The following IL1RAPL2 variants were observed in gnomAD, a reference collection of about 807,000 sequenced individuals.
IL1RAPL2 encodes interleukin 1 receptor accessory protein like 2.
A neutral mutation model predicts 44.1 loss-of-function variants in IL1RAPL2; 3 were observed. The observed-to-expected ratio is 0.07, with a 90% CI of 0.03 to 0.18. The LOEUF is 0.18. IL1RAPL2 is among the 10% of genes least tolerant of loss of function. The probability of loss-of-function intolerance (pLI) is 1.00; values close to 1 mark genes in which losing one functional copy is unlikely to be tolerated. For missense variants in IL1RAPL2, 391 were observed against 496.4 expected (o/e 0.79, Z 2.02); for synonymous variants, 181 against 178.8 (o/e 1.01, Z -0.10).
chrX:105,036,699 A>C (rs1365454131), intron 2 of IL1RAPL2, among the ~76,000 whole-genome samples: 2 of 112,107 alleles, frequency 1.8e-5, no homozygotes, highest in Non-Finnish European at 3.8e-5. Context: ...TCAATAACCC[A>C]CATGTTCAAG....
intron 2 of IL1RAPL2, among the ~76,000 whole-genome samples, chrX:105,030,704 G>T (rs1324645793): frequency 9.9e-5 from 11 of 111,620 alleles, no homozygotes; most frequent in Non-Finnish European, 2.1e-4. Flanking sequence ...TGTTCTTTTG[G>T]CATAGGATTG....
chrX:105,236,727 T>A (rs2034123154), intron 4 of IL1RAPL2, among the ~76,000 whole-genome samples: 1 of 112,279 alleles, frequency 8.9e-6, no homozygotes, highest in African/African-American at 3.2e-5. Flanking sequence ...TTCAAGTAAA[T>A]ACCTGAAGAA....
At chrX:105,311,899 G>A (rs918331995) in intron 5 of IL1RAPL2, among the ~76,000 whole-genome samples, 46 of 111,070 alleles carry the variant, frequency 4.1e-4, no homozygotes, top group African/African-American at 1.4e-3. Flanking sequence ...GTCAGTGTAT[G>A]CATATATGTA....
At chrX:104,603,207 G>T (rs1928924048) in intron 1 of IL1RAPL2, among the ~76,000 whole-genome samples, 1 of 111,410 alleles carries the variant, frequency 9.0e-6, no homozygotes, top group African/African-American at 3.3e-5. Flanking sequence ...TGGACCTCCA[G>T]CAAACTCCAG....
In IL1RAPL2 at chrX:104,751,542, C is replaced by A. The variant is rs375927112; in HGVS notation, c.82+92547C>A. Among the ~76,000 whole-genome samples the A allele has an allele frequency of 2.7e-5, 3 of 111,026 alleles. No individual in the cohort carries two copies. The East Asian group carries it at 8.6e-4, about 32-fold the overall frequency. On this transcript the variant is annotated intron_variant, in intron 2 of 10. Coordinates refer to ENST00000372582, the MANE Select transcript of IL1RAPL2 (RefSeq NM_017416.2). ...CCACATGGCAGACTTCATTATTGAA[C>A]CAGTTGTTTTTGCTCTGTTCTATGA...
intron 4 of IL1RAPL2, among the ~76,000 whole-genome samples, chrX:105,254,212 C>G (rs1167918214): frequency 8.9e-6 from 1 of 111,856 alleles, no homozygotes; most frequent in Non-Finnish European, 1.9e-5. Context: ...TCACCAGCAT[C>G]TGTTATTTTT....
chrX:105,234,142 T>C, intron 4 of IL1RAPL2, 138 bp downstream of exon 4: 1 of 453,930 alleles, frequency 2.2e-6, no homozygotes, highest in Non-Finnish European at 3.6e-6. Context: ...AACTAAATAA[T>C]TCAGAGCTGT....
chrX:105,067,820 T>C (rs773007421), intron 2 of IL1RAPL2, among the ~76,000 whole-genome samples: 1 of 104,397 alleles, frequency 9.6e-6, no homozygotes, highest in African/African-American at 4.2e-5. Context: ...CACACACACA[T>C]ACACGCATGC....
rs750474331 is a variant in IL1RAPL2, at chrX:104,658,876, C to CT, written c.-19-11dup. The CT allele has an allele frequency of 1.0e-4, 108 of 1,067,295 alleles. No homozygotes were observed. Among genetic ancestry groups the CT allele is most frequent in the Middle Eastern group, 4.9e-4 (2 of 4,069 alleles). The allele number at this position is 1,067,295 out of a possible 1,213,427, so 88.0% of individuals were successfully genotyped here. ...AGATCTGTGGTTCAAACTTTATATC[C>CT]TTTTTTTTGACTTTTCAGCTGTCAA... On this transcript the variant is annotated intron_variant, in intron 1 of 10. Coordinates refer to ENST00000372582, the MANE Select transcript of IL1RAPL2 (RefSeq NM_017416.2).
In IL1RAPL2 at chrX:105,670,137, ATATATATAT is replaced by A. The variant is rs1218235988; in HGVS notation, c.773-47229_773-47221del. ...TATATATATATATATATATATATAT[ATATATATAT>A]ATCTCCACCAGACCACACAGTCTTG... On this transcript the variant is annotated intron_variant, in intron 6 of 10. Coordinates refer to ENST00000372582, the MANE Select transcript of IL1RAPL2 (RefSeq NM_017416.2). 9.8e-4 allele frequency among the ~76,000 whole-genome samples: 52 copies of A among 52,909 alleles called. 3 individuals are homozygous for A. Among genetic ancestry groups the A allele is most frequent in the South Asian group, 7.1e-3 (8 of 1,132 alleles). 45.9% of individuals were successfully genotyped at this position (52,909 alleles called of 115,157 possible).
At chrX:104,759,454 T>C (rs1339893857) in intron 2 of IL1RAPL2, among the ~76,000 whole-genome samples, 2 of 111,492 alleles carry the variant, frequency 1.8e-5, no homozygotes, top group Non-Finnish European at 3.8e-5. Context: ...AATACCTGCT[T>C]TTTCAGGGCT....
At chrX:105,388,356 ATTTTTTTTT>A (rs772573698) in intron 5 of IL1RAPL2, among the ~76,000 whole-genome samples, 4 of 61,269 alleles carry the variant, frequency 6.5e-5, no homozygotes, top group African/African-American at 2.1e-4. Flanking sequence ...ACCAAAGCAG[ATTTTTTTTT>A]TTTTTTTTTT....
chrX:105,140,946 G>C (rs2033120950), intron 2 of IL1RAPL2, among the ~76,000 whole-genome samples: 1 of 111,136 alleles, frequency 9.0e-6, no homozygotes. Context: ...CCCAAAAAGA[G>C]GTTGCAAGGG....
chrX:104,729,732 C>T (rs928762848), intron 2 of IL1RAPL2, among the ~76,000 whole-genome samples: 5 of 109,996 alleles, frequency 4.5e-5, no homozygotes, highest in Non-Finnish European at 9.5e-5. Context: ...TCATTTAGCT[C>T]CCACTTACAA....
At chrX:104,906,646 G>A (rs1156626926) in intron 2 of IL1RAPL2, among the ~76,000 whole-genome samples, 2 of 111,880 alleles carry the variant, frequency 1.8e-5, no homozygotes, top group Non-Finnish European at 3.8e-5. Context: ...TTGCATCCCA[G>A]GGATGAAGCC....
chrX:105,177,845 C>T (rs1026295746), intron 2 of IL1RAPL2, among the ~76,000 whole-genome samples: 1 of 110,748 alleles, frequency 9.0e-6, no homozygotes, highest in African/African-American at 3.3e-5. Context: ...AACAATTTAC[C>T]TTTCTTGATA....
intron 5 of IL1RAPL2, among the ~76,000 whole-genome samples, chrX:105,393,430 G>A (rs1602392001): frequency 9.0e-6 from 1 of 111,453 alleles, no homozygotes; most frequent in East Asian, 2.8e-4. Context: ...CAAATCTTGT[G>A]ACCTTCAGAA....
intron 2 of IL1RAPL2, among the ~76,000 whole-genome samples, chrX:104,715,181 A>G (rs1182597361): frequency 1.8e-5 from 2 of 109,513 alleles, no homozygotes; most frequent in South Asian, 7.8e-4. Flanking sequence ...CTGTTCAGTA[A>G]ATCAATCTTT....
intron 6 of IL1RAPL2, among the ~76,000 whole-genome samples, chrX:105,496,316 C>T (rs975641231): frequency 3.6e-5 from 4 of 112,394 alleles, no homozygotes; most frequent in African/African-American, 1.3e-4. Flanking sequence ...AGGGCTGTGT[C>T]ACAGGCCATT....
Sources: allele counts gnomAD v4.1 joint callset (sites outside exome capture counted in the v4.1 genomes callset), GRCh38; gene constraint gnomAD v4.1.1; transcripts MANE v1.5; gene names NCBI Gene and HGNC (gene_info 2026-07-23, HGNC 2026-07-21).